Variants in PHLPP2 observed in about 807,000 individuals in gnomAD.
PHLPP2 encodes PH domain and leucine rich repeat protein phosphatase 2.
PHLPP2 carries 66 observed loss-of-function variants against 124.9 expected under a neutral mutation model. The observed-to-expected ratio is 0.53, with a 90% CI of 0.43 to 0.65. The LOEUF (loss-of-function observed/expected upper bound fraction) is 0.65, where lower values mean the gene tolerates loss of function less well. PHLPP2 is among the 30% of genes least tolerant of loss of function. The pLI, the probability that PHLPP2 is intolerant of heterozygous loss-of-function variation, is 0.00. For synonymous variants in PHLPP2, 681 were observed against 624.7 expected, an observed-to-expected ratio of 1.09 and a Z score of -1.34; for missense variants, 1,685 against 1,600.4, an observed-to-expected ratio of 1.05 and a Z score of -0.90.
intron 15 of PHLPP2, 72 bp from the exon 16 acceptor site, chr16:71,656,753 T>TA: frequency 3.2e-6 from 3 of 933,492 alleles, no homozygotes; most frequent in Non-Finnish European, 5.1e-6. Context: ...ACAATAGTAT[T>TA]CTTTTTTTTT....
At chr16:71,708,132 C>A (rs1437612379) in intron 2 of PHLPP2, among the ~76,000 whole-genome samples, 1 of 151,962 alleles carries the variant, frequency 6.6e-6, no homozygotes, top group Non-Finnish European at 1.5e-5. Flanking sequence ...TCCATACCAC[C>A]CCCAAACATT....
chr16:71,697,559 T>C (rs538011736), intron 3 of PHLPP2, among the ~76,000 whole-genome samples: 160 of 152,374 alleles, frequency 1.1e-3, no homozygotes, highest in African/African-American at 3.3e-3. Flanking sequence ...TAGCCTGTTT[T>C]CTGAACTTTA....
intron 2 of PHLPP2, among the ~76,000 whole-genome samples, chr16:71,713,804 G>T (rs747874996): frequency 6.6e-6 from 1 of 151,864 alleles, no homozygotes; most frequent in Non-Finnish European, 1.5e-5. Flanking sequence ...TATTCCTAGC[G>T]TGCATAAAGA....
intron 12 of PHLPP2, among the ~76,000 whole-genome samples, chr16:71,665,451 A>G (rs1452825023): frequency 1.3e-5 from 2 of 152,250 alleles, no homozygotes; most frequent in African/African-American, 4.8e-5. Flanking sequence ...ATTTGCTAAC[A>G]TAGTGTTTAG....
chr16:71,655,092 G>C (rs1567612242), intron 17 of PHLPP2, 148 bp downstream of exon 17: 1 of 617,490 alleles, frequency 1.6e-6, no homozygotes, highest in Admixed American at 2.8e-5. Context: ...CGCACTCCAT[G>C]CTCATATAGA....
intron 2 of PHLPP2, among the ~76,000 whole-genome samples, chr16:71,711,833 T>C (rs1291828615): frequency 6.6e-6 from 1 of 152,236 alleles, no homozygotes; most frequent in Non-Finnish European, 1.5e-5. Context: ...GATTAGATAA[T>C]GTAAAACTGA....
At chr16:71,703,512 A>C (rs941898153) in intron 2 of PHLPP2, among the ~76,000 whole-genome samples, 4 of 149,078 alleles carry the variant, frequency 2.7e-5, no homozygotes, top group African/African-American at 4.9e-5. Flanking sequence ...TAAAAAAAAA[A>C]CAAAAGTGAT....
At chr16:71,698,732 T>C (rs898726906) in intron 3 of PHLPP2, 2 of 301,374 alleles carry the variant, frequency 6.6e-6, no homozygotes, top group Non-Finnish European at 1.3e-5. Flanking sequence ...ATCCCATGAT[T>C]AATCATGCTA....
chr16:71,660,598 T>G (rs2044780825), intron 13 of PHLPP2, among the ~76,000 whole-genome samples: 1 of 151,814 alleles, frequency 6.6e-6, no homozygotes, highest in Non-Finnish European at 1.5e-5. Flanking sequence ...GCTAATTTTT[T>G]GTATTTTTAG....
intron 14 of PHLPP2, 31 bp downstream of exon 14, chr16:71,658,622 A>G: frequency 1.2e-6 from 2 of 1,602,016 alleles, no homozygotes; most frequent in African/African-American, 1.3e-5. Flanking sequence ...ATTTCCCCCA[A>G]TAAGGACATC....
chr16:71,666,690 C>T (rs948197174), intron 12 of PHLPP2, among the ~76,000 whole-genome samples: 1 of 152,186 alleles, frequency 6.6e-6, no homozygotes, highest in African/African-American at 2.4e-5. Flanking sequence ...TCTGGAAGGA[C>T]ATTATCTGTA....
At chr16:71,694,792 T>C (rs192866011) in intron 3 of PHLPP2, among the ~76,000 whole-genome samples, 4 of 152,228 alleles carry the variant, frequency 2.6e-5, no homozygotes, top group East Asian at 3.9e-4. Context: ...TAAATTTTTT[T>C]TTTTATTTTT....
At chr16:71,689,911 G>C (rs1303153649) in intron 4 of PHLPP2, among the ~76,000 whole-genome samples, 2 of 152,120 alleles carry the variant, frequency 1.3e-5, no homozygotes, top group African/African-American at 4.8e-5. Flanking sequence ...AGGTAATTTT[G>C]TCTGGAAGTC....
intron 5 of PHLPP2, among the ~76,000 whole-genome samples, chr16:71,682,304 G>A (rs947182235): frequency 1.6e-4 from 23 of 148,174 alleles, no homozygotes; most frequent in East Asian, 2.0e-4. Flanking sequence ...TGCATCCTCC[G>A]TCTCCTGGGC....
In PHLPP2 at chr16:71,714,758, C is replaced by A. The variant is rs958787081; in HGVS notation, c.38G>T (p.Arg13Ile). Residue 13 changes from arginine (R) to isoleucine (I), a missense_variant, in exon 2 of 19, where the codon AGA (arginine) becomes ATA (isoleucine). Transcript: ENST00000568954. ...TCTTTCTCGAGAACCAAACCTACTT[C>A]TCCTATTCAAACAATTTCTGCTCCC... is the stretch of plus-strand genomic sequence containing the variant. ...RNGSRNCLNR[R>I]SRFGSRERDW... 6.2e-7 allele frequency: 1 copy of A among 1,613,890 alleles called. No homozygotes were observed. The highest frequency in any genetic ancestry group is 8.5e-7 in the Non-Finnish European group (1 of 1,179,984).
At chr16:71,716,327 T>A (rs756943183) in intron 1 of PHLPP2, among the ~76,000 whole-genome samples, 41 of 152,246 alleles carry the variant, frequency 2.7e-4, no homozygotes, top group Admixed American at 8.5e-4. Context: ...TTGCTTTACA[T>A]CCCAAATAAG....
chr16:71,693,533 T>C (rs2045136442), intron 3 of PHLPP2, among the ~76,000 whole-genome samples: 1 of 152,196 alleles, frequency 6.6e-6, no homozygotes, highest in South Asian at 2.1e-4. Flanking sequence ...CAGATCCTTA[T>C]CAATTCACAC....
chr16:71,652,654 T>C, intron 18 of PHLPP2, 136 bp downstream of exon 18: 3 of 633,470 alleles, frequency 4.7e-6, no homozygotes, highest in Non-Finnish European at 2.8e-6. Flanking sequence ...GCTGAAACCA[T>C]CTGCATTGAA....
At chr16:71,721,095 AT>A in intron 1 of PHLPP2, among the ~76,000 whole-genome samples, 1 of 151,776 alleles carries the variant, frequency 6.6e-6, no homozygotes, top group Non-Finnish European at 1.5e-5. Context: ...GCACTTTGGG[AT>A]GCCGAGGAGG....
Sources: gnomAD v4.1 joint callset for allele counts (sites outside exome capture counted in the v4.1 genomes callset) on GRCh38, gnomAD v4.1.1 for gene constraint, MANE v1.5 for transcripts, NCBI Gene and HGNC (gene_info 2026-07-23, HGNC 2026-07-21) for gene names.